SAP130: variants seen among roughly 807,000 people sequenced by gnomAD.
SAP130 encodes Sin3A associated protein 130, also known as histone deacetylase complex subunit SAP130.
A neutral mutation model predicts 103.2 loss-of-function variants in SAP130; 16 were observed. The observed-to-expected ratio is 0.16, with a 90% CI of 0.10 to 0.24. SAP130 has a LOEUF of 0.24. Among genes scored for constraint, SAP130 ranks in the 10% least tolerant of loss-of-function variants. SAP130 has a pLI of 1.00. For missense variants in SAP130, 990 were observed against 1,359.7 expected (o/e 0.73, Z 4.28); for synonymous variants, 477 against 497.0 (o/e 0.96, Z 0.53).
At chr2:128,000,501 A>C (rs548107841) in intron 7 of SAP130, 47 bp from the exon 8 acceptor site, 3 of 1,607,506 alleles carry the variant, frequency 1.9e-6, no homozygotes, top group East Asian at 2.2e-5. Context: ...GGTCATTTAC[A>C]ATCTTCTCCT....
At position 127,996,315 on chromosome 2, in the gene SAP130, CAGTG is replaced by C; in HGVS notation, c.1355+31_1355+34del. On this transcript the variant is annotated intron_variant, in intron 11 of 20. Coordinates refer to ENST00000643581, the MANE Select transcript of SAP130 (RefSeq NM_001330301.2). This position sits in a 1 kb window ranked among gnomAD's most constrained non-coding sequence, Gnocchi z 4.3. ...TGATAAAGCAGAACGATTAATGACA[CAGTG>C]AGGCAGAATAACTGACACACAGCCT... 1 of 1,541,310 alleles carries C rather than the reference CAGTG, an allele frequency of 6.5e-7. No homozygotes were observed. Among genetic ancestry groups the C allele is most frequent in the Non-Finnish European group, 8.8e-7 (1 of 1,139,770 alleles).
intron 7 of SAP130, among the ~76,000 whole-genome samples, chr2:128,001,894 C>A (rs930524963): frequency 6.6e-6 from 1 of 151,854 alleles, no homozygotes; most frequent in Non-Finnish European, 1.5e-5. Flanking sequence ...TCTGTAAATA[C>A]CAATATGCGT....
chr2:127,947,063 A>T (rs1461841457), intron 18 of SAP130, among the ~76,000 whole-genome samples: 1 of 151,476 alleles, frequency 6.6e-6, no homozygotes, highest in African/African-American at 2.4e-5. Context: ...AGAGGCAGAG[A>T]GACACAGAGA....
In SAP130 at chr2:127,996,128, A is replaced by G. The variant is rs2105058026; in HGVS notation, c.1355+222T>C. On this transcript the variant is annotated intron_variant, in intron 11 of 20. Coordinates refer to ENST00000643581, the MANE Select transcript of SAP130 (RefSeq NM_001330301.2). This position sits in a 1 kb window ranked among gnomAD's most constrained non-coding sequence, Gnocchi z 4.3. Reference sequence around the variant, plus strand: ...TGGCCAAAAAATGTTAAACACACAAAACCCAAAAAATGGATACTAGGAAAA... The same window carrying G: ...TGGCCAAAAAATGTTAAACACACAAGACCCAAAAAATGGATACTAGGAAAA... Among the ~76,000 whole-genome samples the G allele has an allele frequency of 6.6e-6, 1 of 152,338 alleles. No individual in the cohort carries two copies. The highest frequency in any genetic ancestry group is 1.9e-4 in the East Asian group (1 of 5,196).
intron 7 of SAP130, among the ~76,000 whole-genome samples, chr2:128,002,280 G>A (rs564269427): frequency 1.5e-4 from 23 of 152,222 alleles, no homozygotes; most frequent in Admixed American, 1.1e-3. Context: ...GGTGGCTCAC[G>A]TCTGTAATCC....
In SAP130 at chr2:127,942,571, C is replaced by T. The variant is rs373774912; in HGVS notation, c.2902-34G>A. 3 of 1,325,308 alleles carry T rather than the reference C, an allele frequency of 2.3e-6. No homozygotes were observed. The highest frequency in any genetic ancestry group is 3.3e-6 in the Non-Finnish European group (3 of 918,124). The allele number at this position is 1,325,308 out of a possible 1,614,324, so 82.1% of individuals were successfully genotyped here. A position where few individuals can be genotyped will look rare whatever the true frequency, so the allele number is the denominator to read the frequency against. On this transcript the variant is annotated intron_variant, in intron 19 of 20. Coordinates refer to ENST00000643581, the MANE Select transcript of SAP130 (RefSeq NM_001330301.2). The surrounding 1 kb of genome is among the most constrained non-coding windows in gnomAD (Gnocchi z 4.8). ...CACAAAAGGGAGGGTATCATAAGCT[C>T]GGAAATATTTTTCTATGTCAACCCC...
intron 6 of SAP130, among the ~76,000 whole-genome samples, chr2:128,011,283 G>C (rs1035238433): frequency 2.6e-5 from 4 of 152,184 alleles, no homozygotes; most frequent in Non-Finnish European, 4.4e-5. Flanking sequence ...TTTTCACATG[G>C]ACAGAGTGCC....
chr2:127,957,587 G>A (rs1230137717), intron 15 of SAP130, among the ~76,000 whole-genome samples: 1 of 151,782 alleles, frequency 6.6e-6, no homozygotes, highest in Non-Finnish European at 1.5e-5. Flanking sequence ...AGAGCAGGAG[G>A]ACTGCTTGAG....
In SAP130 at chr2:127,941,993, G is replaced by C. The variant is rs149934496; in HGVS notation, c.*13C>G. On this transcript the variant is annotated 3_prime_UTR_variant, in exon 21 of 21. Transcript: ENST00000643581. ...TTCATAAATTTGCTTCCAATCTCCT[G>C]ATTGTTCTGGGTCTAGACTTTTTCC... 3.9e-5 allele frequency: 59 copies of C among 1,512,774 alleles called. No homozygotes were observed. The African/African-American group carries it at 7.9e-4, about 20-fold the overall frequency. The allele number at this position is 1,512,774 out of a possible 1,614,324, so 93.7% of individuals were successfully genotyped here.
intron 11 of SAP130, among the ~76,000 whole-genome samples, chr2:127,995,247 G>A (rs920704496): frequency 2.4e-4 from 36 of 152,350 alleles, no homozygotes; most frequent in African/African-American, 8.7e-4. Context: ...GTTTGTAAAT[G>A]ACAAGGGGCT....
At chr2:127,951,724 C>G (rs1424628239) in intron 16 of SAP130, among the ~76,000 whole-genome samples, 2 of 152,188 alleles carry the variant, frequency 1.3e-5, no homozygotes, top group Non-Finnish European at 2.9e-5. Context: ...ACCTACGCAA[C>G]TGAATGTCGC....
At chr2:128,027,618 G>GCCGGCCGCCCGC (rs1430434939) in intron 1 of SAP130, among the ~76,000 whole-genome samples, 4 of 147,414 alleles carry the variant, frequency 2.7e-5, no homozygotes, top group East Asian at 4.2e-4. Flanking sequence ...AACTCCCTGG[G>GCCGGCCGCCCGC]CCGGCCGCCC....
chr2:128,009,677 C>G (rs1035828781), intron 7 of SAP130, among the ~76,000 whole-genome samples: 1 of 152,144 alleles, frequency 6.6e-6, no homozygotes, highest in Non-Finnish European at 1.5e-5. Flanking sequence ...GGCTTTCCAT[C>G]ATGCCCCAGC....
chr2:127,959,063 C>T (rs945858010), intron 15 of SAP130, among the ~76,000 whole-genome samples: 2 of 152,064 alleles, frequency 1.3e-5, no homozygotes, highest in East Asian at 3.9e-4. Context: ...TTTCCTATTC[C>T]TCCCACAAAG....
At position 127,941,658 on chromosome 2, in the gene SAP130, G is replaced by T; in HGVS notation, c.*348C>A. ...TCAGTCCAGGCTCAGTATGGGGCCT[G>T]CAGGAATCCACTAGATAAATACAGT... On this transcript the variant is annotated 3_prime_UTR_variant, in exon 21 of 21. Coordinates refer to ENST00000643581, the MANE Select transcript of SAP130 (RefSeq NM_001330301.2). 1 of 258,342 alleles carries T rather than the reference G, an allele frequency of 3.9e-6. No homozygotes were observed. Among genetic ancestry groups the T allele is most frequent in the Non-Finnish European group, 7.3e-6 (1 of 137,178 alleles). The allele number at this position is 258,342 out of a possible 1,614,324, so 16.0% of individuals were successfully genotyped here.
At chr2:128,019,045 G>A (rs1450662882) in intron 2 of SAP130, among the ~76,000 whole-genome samples, 1 of 151,996 alleles carries the variant, frequency 6.6e-6, no homozygotes, top group African/African-American at 2.4e-5. Flanking sequence ...GCTGCAGTGA[G>A]CTGAGATTGC....
intron 1 of SAP130, chr2:128,027,047 G>T (rs773463761): frequency 8.7e-6 from 12 of 1,382,756 alleles, no homozygotes; most frequent in Non-Finnish European, 1.1e-5. Flanking sequence ...GTGCGGACGG[G>T]CGATCTGGGG....
chr2:127,968,312 C>T (rs1421981822), intron 15 of SAP130, among the ~76,000 whole-genome samples: 2 of 151,226 alleles, frequency 1.3e-5, no homozygotes, highest in African/African-American at 4.9e-5. Context: ...GGTTTCATCA[C>T]GTTGGCCAGG....
At chr2:127,956,080 G>T (rs998236949) in intron 15 of SAP130, among the ~76,000 whole-genome samples, 1 of 152,018 alleles carries the variant, frequency 6.6e-6, no homozygotes, top group African/African-American at 2.4e-5. Flanking sequence ...AATTGAGAGG[G>T]ACTGAGGTTG....
Sources: gnomAD v4.1 joint callset for allele counts (sites outside exome capture counted in the v4.1 genomes callset) on GRCh38, gnomAD v4.1.1 for gene constraint, Gnocchi (gnomAD v3.1) non-coding constraint, MANE v1.5 for transcripts, NCBI Gene and HGNC (gene_info 2026-07-23, HGNC 2026-07-21) for gene names.